The following PPARGC1A variants were observed in gnomAD, a reference collection of about 807,000 sequenced individuals.
PPARGC1A encodes the protein PPARG coactivator 1 alpha.
A neutral mutation model predicts 88.7 loss-of-function variants in PPARGC1A; 25 were observed. The observed-to-expected ratio is 0.28, with a 90% CI of 0.21 to 0.39. The LOEUF (loss-of-function observed/expected upper bound fraction) is 0.39. PPARGC1A is among the 10% of genes least tolerant of loss of function. The pLI, the probability that PPARGC1A is intolerant of heterozygous loss-of-function variation, is 1.00. For missense variants in PPARGC1A, 880 were observed against 968.7 expected (o/e 0.91, Z 1.22); for synonymous variants, 363 against 355.6 (o/e 1.02, Z -0.24).
At chr4:24,384,807 C>A in the PPARGC1A span, among the ~76,000 whole-genome samples, 3 of 152,052 alleles carry the variant, frequency 2.0e-5, no homozygotes, top group African/African-American at 4.8e-5. Context: ...GACTTTAACA[C>A]CCCATTGTCA....
the PPARGC1A span, among the ~76,000 whole-genome samples, chr4:24,026,943 T>G: frequency 2.0e-5 from 3 of 152,166 alleles, no homozygotes; most frequent in East Asian, 5.8e-4. Context: ...CCCTCAAATT[T>G]TATAAATAAC....
the PPARGC1A span, among the ~76,000 whole-genome samples, chr4:24,307,476 C>G: frequency 6.6e-6 from 1 of 152,120 alleles, no homozygotes; most frequent in Non-Finnish European, 1.5e-5. Context: ...TGGTGTATGC[C>G]TGGCATTGTG....
chr4:24,271,114 A>G, the PPARGC1A span, among the ~76,000 whole-genome samples: 4 of 152,194 alleles, frequency 2.6e-5, no homozygotes, highest in African/African-American at 9.7e-5. Context: ...TAAGATGGTG[A>G]TTTGTTCTGA....
chr4:23,908,527 A>G, upstream of PPARGC1A, among the ~76,000 whole-genome samples: 1 of 152,154 alleles, frequency 6.6e-6, no homozygotes. Context: ...GAAAAAAAAA[A>G]AACACCCTAC....
chr4:24,119,158 C>G, the PPARGC1A span, among the ~76,000 whole-genome samples: 1 of 152,114 alleles, frequency 6.6e-6, no homozygotes, highest in African/African-American at 2.4e-5. Context: ...GTCAGGAAAC[C>G]TTTCTAAAAG....
At chr4:24,293,705 G>A in the PPARGC1A span, among the ~76,000 whole-genome samples, 1 of 148,602 alleles carries the variant, frequency 6.7e-6, no homozygotes, top group African/African-American at 2.5e-5. Flanking sequence ...TCTAACTCAG[G>A]GATTACAGCT....
the PPARGC1A span, among the ~76,000 whole-genome samples, chr4:24,025,802 C>T: frequency 6.6e-6 from 1 of 152,108 alleles, no homozygotes; most frequent in African/African-American, 2.4e-5. Flanking sequence ...CTAAATATAA[C>T]TCCAGGTGTA....
At chr4:23,955,612 G>A in the PPARGC1A span, among the ~76,000 whole-genome samples, 2 of 151,960 alleles carry the variant, frequency 1.3e-5, no homozygotes, top group Non-Finnish European at 2.9e-5. Context: ...CAGGATTAAA[G>A]CAAAAAAACT....
chr4:23,966,759 C>A, the PPARGC1A span, among the ~76,000 whole-genome samples: 8,372 of 152,252 alleles, frequency 0.055, 297 homozygotes, highest in East Asian at 0.15. Flanking sequence ...TGCCAGAGTA[C>A]TTTTTAGACC....
chr4:24,059,169 A>T, the PPARGC1A span, among the ~76,000 whole-genome samples: 1 of 152,040 alleles, frequency 6.6e-6, no homozygotes, highest in African/African-American at 2.4e-5. Context: ...AAGGGCAAAA[A>T]CTCTGAATAT....
At chr4:23,886,508 C>G (rs1222717177) in intron 1 of PPARGC1A, among the ~76,000 whole-genome samples, 2 of 152,072 alleles carry the variant, frequency 1.3e-5, no homozygotes, top group Non-Finnish European at 2.9e-5. Context: ...TCCCTGGCAG[C>G]AGGGACAAGG....
chr4:23,860,237 A>G (rs1731000691), intron 2 of PPARGC1A, among the ~76,000 whole-genome samples: 1 of 149,628 alleles, frequency 6.7e-6, no homozygotes, highest in Admixed American at 6.8e-5. Flanking sequence ...ACATCACTGC[A>G]CCCAGCCCAG....
chr4:23,844,429 A>G (rs1157060970), intron 2 of PPARGC1A, among the ~76,000 whole-genome samples: 1 of 128,412 alleles, frequency 7.8e-6, no homozygotes, highest in Non-Finnish European at 1.6e-5. Context: ...AATATATTAT[A>G]TATATTATAT....
At chr4:23,991,756 G>A in the PPARGC1A span, among the ~76,000 whole-genome samples, 4 of 151,810 alleles carry the variant, frequency 2.6e-5, no homozygotes, top group African/African-American at 7.3e-5. Context: ...GTGAGCACAG[G>A]CTTCTGAAAC....
chr4:23,803,921 C>T (rs1719252763), intron 10 of PPARGC1A, among the ~76,000 whole-genome samples: 1 of 152,074 alleles, frequency 6.6e-6, no homozygotes, highest in Admixed American at 6.6e-5. Context: ...TTCTTATGCC[C>T]AGTATTTGGC....
At chr4:24,228,987 C>T in the PPARGC1A span, among the ~76,000 whole-genome samples, 1 of 151,916 alleles carries the variant, frequency 6.6e-6, no homozygotes, top group Non-Finnish European at 1.5e-5. Flanking sequence ...TTACAAACAC[C>T]CCAAGTGACT....
chr4:24,399,677 A>T, the PPARGC1A span, among the ~76,000 whole-genome samples: 1 of 151,990 alleles, frequency 6.6e-6, no homozygotes, highest in African/African-American at 2.4e-5. Context: ...AAATACGAAC[A>T]CTCATTTCCA....
chr4:23,801,302 C>T (rs1030907311), intron 12 of PPARGC1A, among the ~76,000 whole-genome samples: 34 of 151,872 alleles, frequency 2.2e-4, no homozygotes, highest in African/African-American at 5.8e-4. Context: ...GCATAACACA[C>T]GCACACACAA....
chr4:23,829,616 A>C, intron 3 of PPARGC1A, 31 bp from the exon 4 acceptor site: 3 of 1,599,118 alleles, frequency 1.9e-6, no homozygotes, highest in Non-Finnish European at 2.6e-6. Flanking sequence ...AGGGAAAAGC[A>C]AGTAAAGTTA....
Sources: gnomAD v4.1 joint callset for allele counts (sites outside exome capture counted in the v4.1 genomes callset) on GRCh38, gnomAD v4.1.1 for gene constraint, MANE v1.5 for transcripts, NCBI Gene and HGNC (gene_info 2026-07-23, HGNC 2026-07-21) for gene names.